Variants in HS6ST3 observed in about 807,000 individuals in gnomAD.
HS6ST3 encodes heparan-sulfate 6-O-sulfotransferase 3.
HS6ST3 carries 12 observed loss-of-function variants against 36.7 expected under a neutral mutation model. The observed-to-expected ratio is 0.33, with a 90% CI of 0.21 to 0.53. The LOEUF is 0.53. Among genes scored for constraint, HS6ST3 ranks in the 20% least tolerant of loss-of-function variants. HS6ST3 has a pLI of 0.95. For missense variants in HS6ST3, 584 were observed against 640.9 expected (o/e 0.91, Z 0.96); for synonymous variants, 240 against 257.5 (o/e 0.93, Z 0.65).
intron 1 of HS6ST3, among the ~76,000 whole-genome samples, chr13:96,152,316 C>CTTTTTTTTTTT (rs766489670): frequency 2.2e-4 from 21 of 97,040 alleles, no homozygotes; most frequent in African/African-American, 3.1e-4. Context: ...GGCCCCTTTC[C>CTTTTTTTTTTT]TTTTTTTTTT....
chr13:96,339,164 GT>G (rs1255118202), intron 1 of HS6ST3, among the ~76,000 whole-genome samples: 2 of 152,118 alleles, frequency 1.3e-5, no homozygotes, highest in African/African-American at 4.8e-5. Flanking sequence ...AGTGTGGTGT[GT>G]TTAAACAACA....
intron 1 of HS6ST3, among the ~76,000 whole-genome samples, chr13:96,793,763 C>A: frequency 6.6e-6 from 1 of 152,024 alleles, no homozygotes; most frequent in East Asian, 1.9e-4. Flanking sequence ...CACAGGATCA[C>A]AACCACATAT....
rs1162017387 is a variant in HS6ST3, at chr13:96,090,406, C to T, written c.-457C>T. On this transcript the variant is annotated 5_prime_UTR_variant, in exon 1 of 2. Coordinates refer to ENST00000376705, the MANE Select transcript of HS6ST3 (RefSeq NM_153456.4). ...AGCGGGCCGCGCCTTCGCCCTTGGC[C>T]GGCGCCCTGGCGAGCCTCATGCAGC... Among the ~76,000 whole-genome samples, 1 of 146,302 alleles carries T rather than the reference C, an allele frequency of 6.8e-6. No individual in the cohort carries two copies. The highest frequency in any genetic ancestry group is 2.0e-4 in the East Asian group (1 of 5,080).
chr13:96,699,207 A>G (rs1230691822), intron 1 of HS6ST3, among the ~76,000 whole-genome samples: 3 of 152,238 alleles, frequency 2.0e-5, no homozygotes, highest in Non-Finnish European at 4.4e-5. Flanking sequence ...CTTCATGTCT[A>G]AAACACCAAA....
chr13:96,455,052 A>G (rs2055748157), intron 1 of HS6ST3, among the ~76,000 whole-genome samples: 1 of 152,084 alleles, frequency 6.6e-6, no homozygotes. Context: ...TTGTCTGTCC[A>G]TCTGACTACT....
chr13:96,716,774 A>G (rs540195557), intron 1 of HS6ST3, among the ~76,000 whole-genome samples: 5 of 152,296 alleles, frequency 3.3e-5, no homozygotes, highest in African/African-American at 1.2e-4. Flanking sequence ...TAAAGCACAC[A>G]AAGTGGTTTT....
At chr13:96,198,857 C>G (rs568591376) in intron 1 of HS6ST3, among the ~76,000 whole-genome samples, 2 of 152,214 alleles carry the variant, frequency 1.3e-5, no homozygotes, top group African/African-American at 4.8e-5. Flanking sequence ...AAAGTTGCTT[C>G]CACATTTTTG....
At chr13:96,471,462 G>T (rs1216749518) in intron 1 of HS6ST3, among the ~76,000 whole-genome samples, 1 of 152,152 alleles carries the variant, frequency 6.6e-6, no homozygotes, top group Non-Finnish European at 1.5e-5. Flanking sequence ...GTCATGGGCT[G>T]CTCGCAGAAT....
At chr13:96,693,125 T>C (rs1875013723) in intron 1 of HS6ST3, among the ~76,000 whole-genome samples, 1 of 152,190 alleles carries the variant, frequency 6.6e-6, no homozygotes, top group Admixed American at 6.5e-5. Flanking sequence ...CACTTTTAGG[T>C]AGATAAGGCT....
chr13:96,478,873 A>G (rs2138896260), intron 1 of HS6ST3, among the ~76,000 whole-genome samples: 1 of 152,342 alleles, frequency 6.6e-6, no homozygotes, highest in South Asian at 2.1e-4. Context: ...GAGTGTAAAG[A>G]CAGATTGATT....
intron 1 of HS6ST3, among the ~76,000 whole-genome samples, chr13:96,312,888 G>T (rs2054948607): frequency 7.0e-6 from 1 of 142,890 alleles, no homozygotes. Context: ...GGGGGCGGAG[G>T]TTGCAGTGAG....
intron 1 of HS6ST3, among the ~76,000 whole-genome samples, chr13:96,327,390 C>T (rs891702357): frequency 6.6e-6 from 1 of 152,088 alleles, no homozygotes; most frequent in Non-Finnish European, 1.5e-5. Context: ...TTTCAGCTTT[C>T]TACATATGGC....
At chr13:96,699,229 C>T (rs1395873736) in intron 1 of HS6ST3, among the ~76,000 whole-genome samples, 1 of 152,152 alleles carries the variant, frequency 6.6e-6, no homozygotes, top group Non-Finnish European at 1.5e-5. Context: ...GCAATGGTAA[C>T]AAAAGCCAAA....
At chr13:96,376,517 A>G (rs1337025427) in intron 1 of HS6ST3, among the ~76,000 whole-genome samples, 1 of 152,236 alleles carries the variant, frequency 6.6e-6, no homozygotes, top group Non-Finnish European at 1.5e-5. Flanking sequence ...CTAAGAAAAA[A>G]TTGAATTGCA....
intron 1 of HS6ST3, among the ~76,000 whole-genome samples, chr13:96,113,344 G>A (rs1003402436): frequency 6.6e-6 from 1 of 152,114 alleles, no homozygotes; most frequent in Non-Finnish European, 1.5e-5. Flanking sequence ...TAGAAGTTTG[G>A]AAAGCACACC....
chr13:96,618,465 T>C (rs2056482422), intron 1 of HS6ST3, among the ~76,000 whole-genome samples: 1 of 152,144 alleles, frequency 6.6e-6, no homozygotes, highest in South Asian at 2.1e-4. Context: ...GAATGATATA[T>C]GAAAAACAAG....
intron 1 of HS6ST3, among the ~76,000 whole-genome samples, chr13:96,289,329 A>G (rs2054818554): frequency 6.6e-6 from 1 of 152,136 alleles, no homozygotes; most frequent in Non-Finnish European, 1.5e-5. Flanking sequence ...CTTGCTGGAT[A>G]TCAAAACATA....
At chr13:96,816,017 C>A (rs2138538504) in intron 1 of HS6ST3, among the ~76,000 whole-genome samples, 1 of 152,236 alleles carries the variant, frequency 6.6e-6, no homozygotes, top group African/African-American at 2.4e-5. Flanking sequence ...CTTGTCTGTA[C>A]ATACTAGCCC....
chr13:96,277,231 T>C (rs776267017), intron 1 of HS6ST3, among the ~76,000 whole-genome samples: 5 of 152,214 alleles, frequency 3.3e-5, no homozygotes, highest in Non-Finnish European at 5.9e-5. Flanking sequence ...CAGTGAAGGA[T>C]TCCTTGAATA....
Sources: gnomAD v4.1 joint callset for allele counts (sites outside exome capture counted in the v4.1 genomes callset) on GRCh38, gnomAD v4.1.1 for gene constraint, MANE v1.5 for transcripts, NCBI Gene and HGNC (gene_info 2026-07-23, HGNC 2026-07-21) for gene names.